TBC1D32: variants seen among roughly 807,000 people sequenced by gnomAD.
TBC1D32 encodes the protein TBC1 domain family member 32.
In TBC1D32, 151 loss-of-function variants were observed where a neutral mutation model predicts 170.3. The observed-to-expected ratio is 0.89, with a 90% CI of 0.78 to 1.01. TBC1D32 has a LOEUF of 1.01. Ranked by LOEUF, TBC1D32 falls within the 50% of genes least tolerant of loss-of-function variation. The pLI is 0.00. For missense variants in TBC1D32, 1,464 were observed against 1,457.1 expected, an observed-to-expected ratio of 1.00 and a Z score of -0.08; for synonymous variants, 498 against 488.0, an observed-to-expected ratio of 1.02 and a Z score of -0.27.
At chr6:121,119,829 A>C (rs1338530984) in intron 26 of TBC1D32, among the ~76,000 whole-genome samples, 1 of 152,070 alleles carries the variant, frequency 6.6e-6, no homozygotes, top group Non-Finnish European at 1.5e-5. Flanking sequence ...CTAACAACAG[A>C]TGGATGATTG....
At chr6:121,200,536 T>C (rs1791406314) in intron 22 of TBC1D32, among the ~76,000 whole-genome samples, 1 of 151,690 alleles carries the variant, frequency 6.6e-6, no homozygotes, top group Non-Finnish European at 1.5e-5. Flanking sequence ...GCAACTGTTT[T>C]AATCAGTCAG....
At chr6:121,086,535 C>A (rs890966667) in intron 31 of TBC1D32, among the ~76,000 whole-genome samples, 3 of 152,092 alleles carry the variant, frequency 2.0e-5, no homozygotes, top group African/African-American at 7.2e-5. Flanking sequence ...ATAGCACCAA[C>A]AAAAAATCCC....
intron 29 of TBC1D32, 132 bp downstream of exon 29, chr6:121,112,369 GTCAA>G: frequency 1.3e-6 from 1 of 743,268 alleles, no homozygotes; most frequent in Admixed American, 3.5e-5. Context: ...AAGAGAATTA[GTCAA>G]AAAACATTCA....
chr6:121,229,148 G>A (rs1795413155), intron 20 of TBC1D32, among the ~76,000 whole-genome samples: 3 of 152,018 alleles, frequency 2.0e-5, no homozygotes. Context: ...CTGCCCCAGA[G>A]AGCCTTCTCT....
intron 10 of TBC1D32, among the ~76,000 whole-genome samples, chr6:121,297,063 T>C (rs1454372794): frequency 2.6e-5 from 4 of 152,118 alleles, no homozygotes; most frequent in African/African-American, 7.2e-5. Flanking sequence ...TTAAACATGC[T>C]ATCTTTATTT....
rs538755232 is a variant in TBC1D32 at position 121,270,704 on chromosome 6, A to C, written c.1733+8417T>G. 8.6e-4 allele frequency among the ~76,000 whole-genome samples: 131 copies of C among 152,176 alleles called. 1 individual carries two copies. The highest frequency in any genetic ancestry group is 2.4e-3 in the African/African-American group (101 of 41,526). ...AGTACAAAGAGGAGCTGGTACCATT[A>C]CTTCTGAAACTATTCCAATCAATAG... On this transcript the variant is annotated intron_variant, in intron 15 of 31. Transcript: ENST00000398212.
chr6:121,147,874 G>C (rs749263940), intron 24 of TBC1D32, among the ~76,000 whole-genome samples: 42 of 150,706 alleles, frequency 2.8e-4, no homozygotes, highest in Non-Finnish European at 5.6e-4. Flanking sequence ...TTACAGGCGT[G>C]AGCCACCGCG....
intron 12 of TBC1D32, among the ~76,000 whole-genome samples, chr6:121,286,180 A>G (rs1803793234): frequency 6.6e-6 from 1 of 152,144 alleles, no homozygotes; most frequent in African/African-American, 2.4e-5. Context: ...TCAGAAGATC[A>G]AACTACTCCA....
At chr6:121,239,240 T>G (rs767596713) in intron 19 of TBC1D32, 52 bp from the exon 20 acceptor site, 3 of 1,144,818 alleles carry the variant, frequency 2.6e-6, no homozygotes, top group East Asian at 4.8e-5. Context: ...TTCTTTGGAT[T>G]ATGAAGGAAA....
At chr6:121,201,275 C>T (rs1332962115) in intron 22 of TBC1D32, among the ~76,000 whole-genome samples, 1 of 151,424 alleles carries the variant, frequency 6.6e-6, no homozygotes, top group Non-Finnish European at 1.5e-5. Context: ...ATAAAAGGCA[C>T]TTCACATATT....
chr6:121,321,537 A>G (rs1809703520), intron 2 of TBC1D32, 96 bp downstream of exon 2: 4 of 1,147,842 alleles, frequency 3.5e-6, no homozygotes, highest in African/African-American at 1.6e-5. Flanking sequence ...TCTGGCTGCT[A>G]TGAGGGAAAT....
intron 13 of TBC1D32, among the ~76,000 whole-genome samples, chr6:121,282,654 T>C (rs1375983179): frequency 1.3e-5 from 2 of 151,782 alleles, no homozygotes; most frequent in East Asian, 3.8e-4. Flanking sequence ...ATTCTTTCAC[T>C]CATCCAATCA....
chr6:121,111,364 A>G (rs1323650186), intron 29 of TBC1D32, among the ~76,000 whole-genome samples: 1 of 152,212 alleles, frequency 6.6e-6, no homozygotes, highest in Non-Finnish European at 1.5e-5. Context: ...CATTACTTTA[A>G]AATATTTCAC....
rs563204757 is a variant in TBC1D32, at chr6:121,147,570, GT to G, written c.2773+12439del. 5.8e-3 allele frequency among the ~76,000 whole-genome samples: 883 copies of G among 151,900 alleles called. 11 individuals carry two copies. The highest frequency in any genetic ancestry group is 0.02 in the African/African-American group (821 of 41,426). On this transcript the variant is annotated intron_variant, in intron 24 of 31. Transcript: ENST00000398212. ...TGCATTTATCTGATGATTAGTGATG[GT>G]GAGCATTTTTAATATTTTTTTATTT...
chr6:121,084,630 A>G (rs561060611), intron 31 of TBC1D32, among the ~76,000 whole-genome samples: 11 of 152,242 alleles, frequency 7.2e-5, no homozygotes, highest in African/African-American at 2.6e-4. Context: ...AGAAAGCTAT[A>G]CCAATACCTT....
At chr6:121,152,943 A>G (rs1409874656) in intron 24 of TBC1D32, among the ~76,000 whole-genome samples, 2 of 152,114 alleles carry the variant, frequency 1.3e-5, no homozygotes, top group East Asian at 1.9e-4. Flanking sequence ...ATTGGATTAG[A>G]AAGTGCTCCT....
intron 22 of TBC1D32, among the ~76,000 whole-genome samples, chr6:121,172,116 C>T (rs1787095106): frequency 6.6e-6 from 1 of 152,088 alleles, no homozygotes; most frequent in African/African-American, 2.4e-5. Context: ...TATATTCTCT[C>T]TTGAATGCCA....
chr6:121,142,958 T>C (rs1409475351), intron 24 of TBC1D32, among the ~76,000 whole-genome samples: 1 of 152,172 alleles, frequency 6.6e-6, no homozygotes, highest in African/African-American at 2.4e-5. Context: ...CTTTTGACCA[T>C]AGTATGACTA....
intron 5 of TBC1D32, among the ~76,000 whole-genome samples, chr6:121,307,233 G>A (rs1807463451): frequency 6.6e-6 from 1 of 151,846 alleles, no homozygotes; most frequent in Non-Finnish European, 1.5e-5. Context: ...AAATCAGCCA[G>A]GCATGGTAGT....
Sources: allele counts gnomAD v4.1 joint callset (sites outside exome capture counted in the v4.1 genomes callset), GRCh38; gene constraint gnomAD v4.1.1; transcripts MANE v1.5; gene names NCBI Gene and HGNC (gene_info 2026-07-23, HGNC 2026-07-21).